The following CBX5 variants were observed in gnomAD, a reference collection of about 807,000 sequenced individuals.
The protein encoded by CBX5 is chromobox protein homolog 5.
CBX5 carries 7 observed loss-of-function variants against 20.7 expected under a neutral mutation model. The observed-to-expected ratio is 0.34, with a 90% CI of 0.19 to 0.63. CBX5 has a LOEUF of 0.63. CBX5 is among the 30% of genes least tolerant of loss of function. CBX5 has a pLI of 0.75. For synonymous variants in CBX5, 78 were observed against 77.0 expected, an observed-to-expected ratio of 1.01 and a Z score of -0.07; for missense variants, 110 against 224.1, an observed-to-expected ratio of 0.49 and a Z score of 3.25.
intron 1 of CBX5, among the ~76,000 whole-genome samples, chr12:54,267,974 T>A (rs1164515293): frequency 1.3e-5 from 2 of 152,062 alleles, no homozygotes; most frequent in African/African-American, 4.8e-5. Flanking sequence ...CGAAACCCCA[T>A]CTCTACCAAA....
At chr12:54,253,464 G>A (rs1943829829) in intron 2 of CBX5, among the ~76,000 whole-genome samples, 1 of 151,906 alleles carries the variant, frequency 6.6e-6, no homozygotes, top group African/African-American at 2.4e-5. Context: ...AGTGACTCAC[G>A]CCTGTAATCT....
chr12:54,260,520 T>C (rs1255301598), intron 1 of CBX5, among the ~76,000 whole-genome samples: 1 of 149,318 alleles, frequency 6.7e-6, no homozygotes, highest in Non-Finnish European at 1.5e-5. Context: ...TGAATTTAGG[T>C]GGAAAAAAAT....
chr12:54,258,452 T>C (rs902167180), intron 1 of CBX5: 1 of 152,046 alleles, frequency 6.6e-6, no homozygotes, highest in Non-Finnish European at 1.5e-5. Flanking sequence ...AGAAGGTACC[T>C]CTCCCTCTTA....
At chr12:54,245,776 G>T (rs1943729325) in intron 4 of CBX5, among the ~76,000 whole-genome samples, 1 of 151,790 alleles carries the variant, frequency 6.6e-6, no homozygotes, top group African/African-American at 2.4e-5. Flanking sequence ...GGCAACAAGA[G>T]ACTTTGTCTC....
intron 3 of CBX5, among the ~76,000 whole-genome samples, chr12:54,249,562 G>A (rs1251233984): frequency 3.9e-5 from 6 of 151,906 alleles, no homozygotes; most frequent in African/African-American, 1.2e-4. Flanking sequence ...CTGGAAGGCT[G>A]GAAGATTCCG....
intron 1 of CBX5, among the ~76,000 whole-genome samples, chr12:54,269,087 T>C (rs925820951): frequency 3.3e-5 from 5 of 152,018 alleles, no homozygotes; most frequent in African/African-American, 1.2e-4. Context: ...GGTGAAAGCC[T>C]GTCTCTACTA....
rs184089566 is a variant in CBX5 at position 54,242,485 on chromosome 12, A to G, written c.426-580T>C. Reference sequence around the variant, plus strand: ...GCTTGCAGTGAGCTGAGATCGCGCCACTGCACTCTAGCCTGAGCAACAGTG... The same window carrying G: ...GCTTGCAGTGAGCTGAGATCGCGCCGCTGCACTCTAGCCTGAGCAACAGTG... On this transcript the variant is annotated intron_variant, in intron 4 of 4. Coordinates refer to ENST00000209875, the MANE Select transcript of CBX5 (RefSeq NM_012117.3). Among the ~76,000 whole-genome samples the G allele has an allele frequency of 2.0e-3, 288 of 145,940 alleles. 4 individuals are homozygous for G. The East Asian group carries it at 0.052, about 27-fold the overall frequency.
At chr12:54,243,689 T>A (rs1943702732) in intron 4 of CBX5, among the ~76,000 whole-genome samples, 1 of 152,044 alleles carries the variant, frequency 6.6e-6, no homozygotes, top group African/African-American at 2.4e-5. Flanking sequence ...GCCAACATGA[T>A]GAAACCCTGT....
intron 4 of CBX5, among the ~76,000 whole-genome samples, chr12:54,245,587 T>C (rs972395618): frequency 6.6e-6 from 1 of 150,584 alleles, no homozygotes; most frequent in Non-Finnish European, 1.5e-5. Context: ...AGGTCGGGAG[T>C]TTGAGACCAG....
In CBX5 at chr12:54,238,678, G is replaced by A. The variant is rs1943646894; in HGVS notation, c.*3077C>T. 6.6e-6 allele frequency: 1 copy of A among 152,212 alleles called. No individual in the cohort carries two copies. Among genetic ancestry groups the A allele is most frequent in the African/African-American group, 2.4e-5 (1 of 41,442 alleles). 9.4% of individuals were successfully genotyped at this position (152,212 alleles called of 1,614,324 possible). A position where few individuals can be genotyped will look rare whatever the true frequency, so the allele number is the denominator to read the frequency against. On this transcript the variant is annotated 3_prime_UTR_variant, in exon 5 of 5. Coordinates refer to ENST00000209875, the MANE Select transcript of CBX5 (RefSeq NM_012117.3). The stretch of plus-strand genomic sequence containing the variant: ...GGTTTAAAATGGGTGCTCCCATGTA[G>A]GCTGATTTTCCCGGCATTTGATCTT...
intron 1 of CBX5, among the ~76,000 whole-genome samples, chr12:54,267,486 G>C (rs1054070070): frequency 6.6e-6 from 1 of 151,846 alleles, no homozygotes; most frequent in African/African-American, 2.4e-5. Flanking sequence ...TTTTAACGAA[G>C]AGCCTGTGTT....
intron 3 of CBX5, among the ~76,000 whole-genome samples, chr12:54,246,780 C>CAAAAAA (rs772454046): frequency 1.1e-4 from 5 of 46,186 alleles, no homozygotes; most frequent in East Asian, 6.3e-4. Flanking sequence ...GACTCCGTCT[C>CAAAAAA]AAAAAAAAAA....
At chr12:54,251,937 G>T in intron 3 of CBX5, 104 bp downstream of exon 3, 2 of 980,312 alleles carry the variant, frequency 2.0e-6, no homozygotes, top group Non-Finnish European at 1.5e-6. Flanking sequence ...TACCTTATAG[G>T]TCCATCCTTA....
At chr12:54,272,198 T>G (rs2137031542) in intron 1 of CBX5, 1 of 152,358 alleles carries the variant, frequency 6.6e-6, no homozygotes. Flanking sequence ...CTTGCTTTAT[T>G]CTAAGAAACA....
At chr12:54,252,334 G>T in intron 2 of CBX5, 107 bp from the exon 3 acceptor site, 1 of 607,180 alleles carries the variant, frequency 1.6e-6, no homozygotes. Context: ...AAAGGACAGA[G>T]AAACCCTATG....
At chr12:54,264,676 C>A (rs1246699866) in intron 1 of CBX5, among the ~76,000 whole-genome samples, 1 of 152,046 alleles carries the variant, frequency 6.6e-6, no homozygotes, top group Non-Finnish European at 1.5e-5. Context: ...AACCCCATCT[C>A]TACTAAAAAT....
rs1038793248 is a variant in CBX5, at chr12:54,236,401, G to C, written c.*5354C>G. 11 of 152,194 alleles carry C rather than the reference G, an allele frequency of 7.2e-5. No homozygotes were observed. The highest frequency in any genetic ancestry group is 2.7e-4 in the African/African-American group (11 of 41,442). 9.4% of individuals were successfully genotyped at this position (152,194 alleles called of 1,614,324 possible). ...TGAATGAAACCAATGTTGATGTACA[G>C]CAATGTGGCTGGAATTTAGAAAGCT... On this transcript the variant is annotated 3_prime_UTR_variant, in exon 5 of 5. Transcript: ENST00000209875.
chr12:54,267,682 T>C (rs1943969516), intron 1 of CBX5, among the ~76,000 whole-genome samples: 1 of 152,020 alleles, frequency 6.6e-6, no homozygotes, highest in African/African-American at 2.4e-5. Context: ...CGGCTAATTT[T>C]TTTTGTGTAT....
chr12:54,239,423 G>A lies in CBX5; in HGVS notation c.*2332C>T, dbSNP rs2137007373. The stretch of plus-strand genomic sequence containing the variant: ...CCACTGCTACTGGGAGGCATACACT[G>A]GGCCACTTGGATAGGCTGTCATTTT... On this transcript the variant is annotated 3_prime_UTR_variant, in exon 5 of 5. Transcript: ENST00000209875. 1 of 152,262 alleles carries A rather than the reference G, an allele frequency of 6.6e-6. No homozygotes were observed. The highest frequency in any genetic ancestry group is 1.9e-4 in the East Asian group (1 of 5,182). 9.4% of individuals were successfully genotyped at this position (152,262 alleles called of 1,614,324 possible). A position where few individuals can be genotyped will look rare whatever the true frequency, so the allele number is the denominator to read the frequency against.
Sources: allele counts gnomAD v4.1 joint callset (sites outside exome capture counted in the v4.1 genomes callset), GRCh38; gene constraint gnomAD v4.1.1; transcripts MANE v1.5; gene names NCBI Gene and HGNC (gene_info 2026-07-23, HGNC 2026-07-21).